The following GABRA2 variants were observed in gnomAD, a reference collection of about 807,000 sequenced individuals.
GABRA2 encodes the protein gamma-aminobutyric acid type A receptor subunit alpha2.
GABRA2 carries 16 observed loss-of-function variants against 48.7 expected under a neutral mutation model. The ratio of observed to expected loss-of-function variants is 0.33; its 90% CI spans 0.22 to 0.50. The LOEUF is 0.50. Among genes scored for constraint, GABRA2 ranks in the 20% least tolerant of loss-of-function variants. The pLI, the probability that GABRA2 is intolerant of heterozygous loss-of-function variation, is 0.98. For synonymous variants in GABRA2, 185 were observed against 184.5 expected (o/e 1.00, Z -0.02); for missense variants, 275 against 535.6 (o/e 0.51, Z 4.80).
intron 8 of GABRA2, among the ~76,000 whole-genome samples, chr4:46,300,410 C>G (rs1272416218): frequency 6.6e-6 from 1 of 151,818 alleles, no homozygotes; most frequent in African/African-American, 2.4e-5. Context: ...CAATTAGTTC[C>G]TTTTTATTCT....
intron 3 of GABRA2, among the ~76,000 whole-genome samples, chr4:46,360,459 A>T (rs1229766234): frequency 2.0e-5 from 3 of 152,226 alleles, no homozygotes; most frequent in Non-Finnish European, 4.4e-5. Flanking sequence ...CATCCATGTA[A>T]GATGTGACTT....
intron 6 of GABRA2, among the ~76,000 whole-genome samples, chr4:46,309,046 A>G (rs1275064074): frequency 6.6e-6 from 1 of 152,166 alleles, no homozygotes; most frequent in Non-Finnish European, 1.5e-5. Flanking sequence ...ATGATTGACT[A>G]TCTTAAATAA....
Position 46,389,722 on chromosome 4 carries a change from T to C in GABRA2, c.-11+13A>G, listed in dbSNP as rs1717969213. The C allele has an allele frequency of 2.0e-6, 2 of 982,362 alleles. No homozygotes were observed. The highest frequency in any genetic ancestry group is 5.2e-4 in the Middle Eastern group (1 of 1,934). The allele number at this position is 982,362 out of a possible 1,614,324, so 60.9% of individuals were successfully genotyped here. A position where few individuals can be genotyped will look rare whatever the true frequency, so the allele number is the denominator to read the frequency against. ...GAAAGTGTCTCTATCGGGACCAACG[T>C]GTGCGACCCTACCTGAAACGGCAAG... On this transcript the variant is annotated intron_variant, in intron 1 of 9. Coordinates refer to ENST00000381620, the MANE Select transcript of GABRA2 (RefSeq NM_000807.4).
chr4:46,271,038 C>T (rs1240450138), intron 8 of GABRA2, among the ~76,000 whole-genome samples: 1 of 150,602 alleles, frequency 6.6e-6, no homozygotes, highest in Non-Finnish European at 1.5e-5. Flanking sequence ...AAAAATATCA[C>T]TCTGAAAGCA....
At position 46,365,326 on chromosome 4, in the gene GABRA2, T is replaced by C. The variant is rs112274076; in HGVS notation, c.187+20748A>G. The C allele has an allele frequency of 5.5e-4, 83 of 152,292 alleles. 1 individual carries two copies. The highest frequency in any genetic ancestry group is 2.0e-3 in the African/African-American group (83 of 41,576). The allele number at this position is 152,292 out of a possible 1,614,324, so 9.4% of individuals were successfully genotyped here. Reference sequence around the variant, plus strand: ...TATGGAGAATTTTGCAATAAACTTCTACTTAAAGGGCATCCCACAAAGGAA... The same window carrying C: ...TATGGAGAATTTTGCAATAAACTTCCACTTAAAGGGCATCCCACAAAGGAA... On this transcript the variant is annotated intron_variant, in intron 3 of 9. Coordinates refer to ENST00000381620, the MANE Select transcript of GABRA2 (RefSeq NM_000807.4).
chr4:46,369,962 G>T (rs1714631498), intron 3 of GABRA2, among the ~76,000 whole-genome samples: 1 of 151,944 alleles, frequency 6.6e-6, no homozygotes, highest in Admixed American at 6.6e-5. Flanking sequence ...TGACTCACAG[G>T]CTAGTGGTCC....
At chr4:46,328,044 A>G (rs1005400894) in intron 4 of GABRA2, among the ~76,000 whole-genome samples, 3 of 152,058 alleles carry the variant, frequency 2.0e-5, no homozygotes, top group Admixed American at 6.6e-5. Context: ...CCAAGGAAAA[A>G]GGGAAAAAAA....
chr4:46,269,975 T>C (rs1021933484), intron 8 of GABRA2, among the ~76,000 whole-genome samples: 1 of 151,934 alleles, frequency 6.6e-6, no homozygotes, highest in African/African-American at 2.4e-5. Flanking sequence ...GAATATCTGA[T>C]GGTTGCACTA....
intron 8 of GABRA2, among the ~76,000 whole-genome samples, chr4:46,288,632 A>G (rs1364192092): frequency 6.6e-6 from 1 of 152,198 alleles, no homozygotes; most frequent in Admixed American, 6.5e-5. Context: ...TCTAGGTAAT[A>G]CCATTCTGGA....
chr4:46,312,581 C>T lies in GABRA2; in HGVS notation c.391G>A (p.Gly131Arg), dbSNP rs1273653526. The change falls in exon 5 of 10, where the codon GGG becomes AGG. Residue 131 changes from glycine (G) to arginine (R), a missense_variant. Coordinates refer to ENST00000381620, the MANE Select transcript of GABRA2 (RefSeq NM_000807.4). ...IWTPDTFFHN[G>R]KKSVAHNMTM... ...ATATTATGAGCTACTGATTTTTTCC[C>T]ATTGTGAAAAAAGGTATCTGGAGTC... 6.3e-7 allele frequency: 1 copy of T among 1,597,318 alleles called. No individual in the cohort carries two copies. The highest frequency in any genetic ancestry group is 8.5e-7 in the Non-Finnish European group (1 of 1,174,020).
At chr4:46,288,191 G>A (rs1006376926) in intron 8 of GABRA2, among the ~76,000 whole-genome samples, 3 of 152,108 alleles carry the variant, frequency 2.0e-5, no homozygotes, top group Non-Finnish European at 2.9e-5. Context: ...CCATATCAAC[G>A]ACCATACTAC....
At chr4:46,358,697 A>G (rs1170973637) in intron 3 of GABRA2, among the ~76,000 whole-genome samples, 1 of 152,174 alleles carries the variant, frequency 6.6e-6, no homozygotes, top group Non-Finnish European at 1.5e-5. Context: ...TTAGATTGAT[A>G]CTTAGCCACT....
chr4:46,385,810 G>A (rs780695526), intron 3 of GABRA2, among the ~76,000 whole-genome samples: 2 of 152,030 alleles, frequency 1.3e-5, no homozygotes, highest in Non-Finnish European at 2.9e-5. Context: ...CTCTAAGTGT[G>A]AGAAAGTTAA....
intron 8 of GABRA2, among the ~76,000 whole-genome samples, chr4:46,279,341 T>G (rs1167343411): frequency 6.6e-6 from 1 of 152,116 alleles, no homozygotes; most frequent in African/African-American, 2.4e-5. Flanking sequence ...CAATTTATAT[T>G]TATTTATCTA....
chr4:46,273,524 T>TGCATATATATATATATATGC (rs756735267), intron 8 of GABRA2, among the ~76,000 whole-genome samples: 1 of 36,696 alleles, frequency 2.7e-5, no homozygotes, highest in Non-Finnish European at 5.3e-5. Flanking sequence ...TATATATATA[T>TGCATATATATATATATATGC]ATATATATAT....
At chr4:46,384,422 T>C (rs1429330218) in intron 3 of GABRA2, among the ~76,000 whole-genome samples, 1 of 152,118 alleles carries the variant, frequency 6.6e-6, no homozygotes, top group African/African-American at 2.4e-5. Flanking sequence ...AATGCAAGCG[T>C]TGGAAATAAA....
intron 3 of GABRA2, among the ~76,000 whole-genome samples, chr4:46,377,161 T>C (rs1282831203): frequency 5.3e-5 from 8 of 151,810 alleles, no homozygotes; most frequent in Admixed American, 2.0e-4. Context: ...CGCCACCCCG[T>C]CTGGGAAGTG....
Position 46,249,034 on chromosome 4 carries a change from ATGTGTGTGTGTG to A in GABRA2, c.*1262_*1273del, listed in dbSNP as rs71193852. On this transcript the variant is annotated 3_prime_UTR_variant, in exon 10 of 10. Coordinates refer to ENST00000381620, the MANE Select transcript of GABRA2 (RefSeq NM_000807.4). ...ATTGTGTTTTCTAATTTAGCTGTGTATGTGTGTGTGTGTGTGTGTGTGTGTGTATGTTTGTGC... is the reference window on the plus strand; with the variant it reads ...ATTGTGTTTTCTAATTTAGCTGTGTATGTGTGTGTGTGTGTATGTTTGTGC... 7.0e-6 allele frequency: 1 copy of A among 143,330 alleles called. No homozygotes were observed. The highest frequency in any genetic ancestry group is 2.5e-5 in the African/African-American group (1 of 39,228). 8.9% of individuals were successfully genotyped at this position (143,330 alleles called of 1,614,324 possible).
Position 46,386,313 on chromosome 4 carries a change from C to CT in GABRA2, c.72-125dup, listed in dbSNP as rs148641732. The stretch of plus-strand genomic sequence containing the variant: ...GCTATTAGTACCACCCGTTTTCCTC[C>CT]TTTTTTTTTAACTTCTATAAATATC... On this transcript the variant is annotated intron_variant, in intron 2 of 9. Transcript: ENST00000381620. 0.014 allele frequency: 8,180 copies of CT among 574,782 alleles called. 498 individuals carry two copies. The African/African-American group carries it at 0.14, about 10-fold the overall frequency. 35.6% of individuals were successfully genotyped at this position (574,782 alleles called of 1,614,324 possible).
Sources: allele counts gnomAD v4.1 joint callset (sites outside exome capture counted in the v4.1 genomes callset), GRCh38; gene constraint gnomAD v4.1.1; transcripts MANE v1.5; gene names NCBI Gene and HGNC (gene_info 2026-07-23, HGNC 2026-07-21).